MGAT5: variants seen among roughly 807,000 people sequenced by gnomAD.
MGAT5 encodes alpha-1,6-mannosylglycoprotein 6-beta-N-acetylglucosaminyltransferase A.
Under a neutral mutation model 94.3 loss-of-function variants are expected in MGAT5, and 30 were observed. The ratio of observed to expected loss-of-function variants is 0.32; its 90% confidence interval spans 0.24 to 0.43. MGAT5 has a LOEUF of 0.43. Ranked by LOEUF, MGAT5 falls within the 20% of genes least tolerant of loss-of-function variation. The pLI is 1.00. For synonymous variants in MGAT5, 310 were observed against 322.9 expected (o/e 0.96, Z 0.43); for missense variants, 691 against 905.5 (o/e 0.76, Z 3.04).
rs1553490423 is a variant in MGAT5 at position 134,189,607 on chromosome 2, T to TTTTTTTTTTTGTTTG, written c.-142-64645_-142-64644insGTTTGTTTTTTTTTT. ...CATGGCTCTAGTTTTTTTTTGTTTTTTTTTTTTTTTTTTAAGACAGAGTCT... is the reference window on the plus strand; with the variant it reads ...CATGGCTCTAGTTTTTTTTTGTTTTTTTTTTTTTTTGTTTGTTTTTTTTTTTTTAAGACAGAGTCT... On this transcript the variant is annotated intron_variant, in intron 1 of 16. Coordinates refer to the MGAT5 transcript ENST00000409645. Among the ~76,000 whole-genome samples the TTTTTTTTTTTGTTTG allele has an allele frequency of 1.1e-3, 85 of 80,618 alleles. 3 individuals carry two copies. The highest frequency in any genetic ancestry group is 1.7e-3 in the Non-Finnish European group (73 of 42,864). 52.9% of individuals were successfully genotyped at this position (80,618 alleles called of 152,430 possible).
At chr2:134,248,254 C>T (rs1436428200) in intron 1 of MGAT5, among the ~76,000 whole-genome samples, 2 of 152,234 alleles carry the variant, frequency 1.3e-5, no homozygotes, top group Non-Finnish European at 2.9e-5. Context: ...TCCTGTCCTT[C>T]CATCTAGCAA....
intron 1 of MGAT5, among the ~76,000 whole-genome samples, chr2:134,173,267 A>G (rs1168862025): frequency 6.6e-6 from 1 of 152,182 alleles, no homozygotes; most frequent in African/African-American, 2.4e-5. Context: ...CAACTGAACA[A>G]TCTGTCTTCC....
chr2:134,334,776 A>G (rs1009714203), intron 4 of MGAT5, among the ~76,000 whole-genome samples: 13 of 151,926 alleles, frequency 8.6e-5, no homozygotes, highest in African/African-American at 2.7e-4. Flanking sequence ...AGCTGCAGAT[A>G]TTGCCTTTCA....
At chr2:134,234,999 T>TA (rs397779807) in intron 1 of MGAT5, among the ~76,000 whole-genome samples, 4 of 151,692 alleles carry the variant, frequency 2.6e-5, no homozygotes, top group South Asian at 2.1e-4. Flanking sequence ...ATTTTTTTTT[T>TA]AATCTAAATT....
At chr2:134,335,341 C>A (rs7570533) in intron 4 of MGAT5, among the ~76,000 whole-genome samples, 147,321 of 152,258 alleles carry the variant, frequency 0.97, 71,356 homozygotes, top group East Asian at 1. Context: ...TAATCTCATT[C>A]TTTATTAGTA....
intron 1 of MGAT5, among the ~76,000 whole-genome samples, chr2:134,192,760 C>A (rs536897897): frequency 6.6e-6 from 1 of 151,796 alleles, no homozygotes; most frequent in Non-Finnish European, 1.5e-5. Context: ...GTAAAACATG[C>A]AATTACTACT....
At chr2:134,252,351 G>A (rs539908626), upstream of MGAT5, among the ~76,000 whole-genome samples, 10 of 152,348 alleles carry the variant, frequency 6.6e-5, no homozygotes, top group East Asian at 1.9e-3. Context: ...GGAGAGGGGT[G>A]TGATGGGGCA....
At chr2:134,240,372 TA>T (rs1307582860) in intron 1 of MGAT5, among the ~76,000 whole-genome samples, 243 of 135,370 alleles carry the variant, frequency 1.8e-3, no homozygotes, top group African/African-American at 5.9e-3. Context: ...TTTTTTTTTT[TA>T]CTATTTGTAT....
intron 2 of MGAT5, among the ~76,000 whole-genome samples, chr2:134,295,118 G>A (rs1237720383): frequency 1.3e-5 from 2 of 152,158 alleles, no homozygotes; most frequent in African/African-American, 2.4e-5. Flanking sequence ...TTATTGCACC[G>A]AGGAACAAGC....
intron 3 of MGAT5, 52 bp from the exon 4 acceptor site, chr2:134,318,598 A>C: frequency 7.7e-7 from 1 of 1,307,160 alleles, no homozygotes; most frequent in Non-Finnish European, 1.1e-6. Flanking sequence ...CCCTGTCAGC[A>C]GATGTGGAGG....
chr2:134,270,301 T>C, intron 1 of MGAT5, 85 bp from the exon 2 acceptor site: 2 of 1,323,434 alleles, frequency 1.5e-6, no homozygotes, highest in Non-Finnish European at 2.1e-6. Context: ...TTGAGAAGTT[T>C]TGTTCTCCAC....
At chr2:134,218,124 T>A (rs568314008) in intron 1 of MGAT5, among the ~76,000 whole-genome samples, 1 of 151,982 alleles carries the variant, frequency 6.6e-6, no homozygotes, top group South Asian at 2.1e-4. Context: ...ATGAGGGTGA[T>A]GATGAATCTA....
At chr2:134,363,911 A>G (rs1170745370) in intron 10 of MGAT5, among the ~76,000 whole-genome samples, 1 of 152,228 alleles carries the variant, frequency 6.6e-6, no homozygotes, top group Non-Finnish European at 1.5e-5. Context: ...GGGTGTTCTC[A>G]TGCTCAGCTT....
chr2:134,324,227 A>G (rs1398706174), intron 4 of MGAT5, among the ~76,000 whole-genome samples: 3 of 152,258 alleles, frequency 2.0e-5, no homozygotes, highest in East Asian at 1.9e-4. Context: ...TTGCTCTGAA[A>G]TAATCAAATT....
At chr2:134,273,879 A>C (rs59233540) in intron 2 of MGAT5, among the ~76,000 whole-genome samples, 25,432 of 152,168 alleles carry the variant, frequency 0.17, 2,325 homozygotes, top group Middle Eastern at 0.33. Flanking sequence ...GAAAAAGCAG[A>C]TTTTTAAAAT....
chr2:134,394,981 G>A (rs958640493), intron 10 of MGAT5, among the ~76,000 whole-genome samples: 20 of 152,318 alleles, frequency 1.3e-4, no homozygotes, highest in African/African-American at 4.8e-4. Context: ...TCACTAAACA[G>A]TCTGTTTTCT....
intron 12 of MGAT5, among the ~76,000 whole-genome samples, chr2:134,415,331 T>G (rs1683902944): frequency 6.6e-6 from 1 of 152,228 alleles, no homozygotes; most frequent in Non-Finnish European, 1.5e-5. Context: ...TGAGGTGATA[T>G]CTCCTTGTGG....
chr2:134,245,783 C>T (rs897262840), intron 1 of MGAT5, among the ~76,000 whole-genome samples: 2 of 152,172 alleles, frequency 1.3e-5, no homozygotes, highest in African/African-American at 4.8e-5. Context: ...GATTCACCAG[C>T]CCTGTTACAG....
chr2:134,438,665 G>A (rs896209032), intron 14 of MGAT5, among the ~76,000 whole-genome samples: 10 of 152,114 alleles, frequency 6.6e-5, no homozygotes, highest in Admixed American at 3.3e-4. Context: ...GTTACGTTGC[G>A]ACCCATGGCT....
Sources: gnomAD v4.1 joint callset for allele counts (sites outside exome capture counted in the v4.1 genomes callset) on GRCh38, gnomAD v4.1.1 for gene constraint, MANE v1.5 for transcripts, NCBI Gene and HGNC (gene_info 2026-07-23, HGNC 2026-07-21) for gene names.